SLC36A1: variants seen among roughly 807,000 people sequenced by gnomAD.
SLC36A1 encodes proton-coupled amino acid transporter 1.
SLC36A1 carries 30 observed loss-of-function variants against 47.5 expected under a neutral mutation model. The ratio of observed to expected loss-of-function variants is 0.63; its 90% CI spans 0.47 to 0.86. The LOEUF (loss-of-function observed/expected upper bound fraction) is 0.86. Among genes scored for constraint, SLC36A1 ranks in the 40% least tolerant of loss-of-function variants. The pLI is 0.00. For missense variants in SLC36A1, 517 were observed against 606.0 expected (o/e 0.85, Z 1.54); for synonymous variants, 255 against 249.7 (o/e 1.02, Z -0.20).
chr5:151,377,298 A>G, the SLC36A1 span, among the ~76,000 whole-genome samples: 7 of 149,718 alleles, frequency 4.7e-5, no homozygotes, highest in Admixed American at 3.3e-4. Context: ...GTCTAATGCT[A>G]TGAGTGGGGT....
At chr5:151,480,003 G>A in intron 10 of SLC36A1, 1 of 851,034 alleles carries the variant, frequency 1.2e-6, no homozygotes, top group Non-Finnish European at 1.8e-6. Flanking sequence ...GATTAACCTA[G>A]GTATTTGATT....
the SLC36A1 span, among the ~76,000 whole-genome samples, chr5:151,500,732 T>C: frequency 6.6e-6 from 1 of 152,220 alleles, no homozygotes; most frequent in Admixed American, 6.5e-5. Context: ...GCACCTGGCA[T>C]AGCAAATGCT....
chr5:151,544,232 G>T, the SLC36A1 span: 3 of 1,614,182 alleles, frequency 1.9e-6, no homozygotes, highest in East Asian at 6.7e-5. Context: ...CCTGAGTCCT[G>T]GTCAGAAGCC....
chr5:151,476,393 C>G (rs1479415385), intron 8 of SLC36A1, among the ~76,000 whole-genome samples, 197 bp from the exon 9 acceptor site: 1 of 152,230 alleles, frequency 6.6e-6, no homozygotes, highest in African/African-American at 2.4e-5. Context: ...GACTTCCTAG[C>G]TAGGCAGTGG....
At chr5:151,555,081 C>G in the SLC36A1 span, among the ~76,000 whole-genome samples, 3 of 152,142 alleles carry the variant, frequency 2.0e-5, no homozygotes, top group East Asian at 5.8e-4. Context: ...CTTTTTGAGT[C>G]AGACATGTGC....
At position 151,468,301 on chromosome 5, in the gene SLC36A1, T is replaced by TATATATATAAA. The variant is rs1756858867; in HGVS notation, c.723+384_723+385insAAAATATATAT. Among the ~76,000 whole-genome samples the TATATATATAAA allele has an allele frequency of 2.5e-4, 23 of 93,390 alleles. No individual in the cohort carries two copies. The South Asian group carries it at 3.0e-3, about 12-fold the overall frequency. 61.3% of individuals were successfully genotyped at this position (93,390 alleles called of 152,430 possible). A position where few individuals can be genotyped will look rare whatever the true frequency, so the allele number is the denominator to read the frequency against. On this transcript the variant is annotated intron_variant, in intron 7 of 10. Transcript: ENST00000243389. ...TATATATATATATATATATTTTATA[T>TATATATATAAA]ATATATATTTACATATATGTGTATA...
chr5:151,515,430 C>A, the SLC36A1 span, among the ~76,000 whole-genome samples: 1 of 152,180 alleles, frequency 6.6e-6, no homozygotes, highest in South Asian at 2.1e-4. Context: ...ATCTCCATCT[C>A]CAGCATAGAC....
At chr5:151,421,616 T>G in the SLC36A1 span, among the ~76,000 whole-genome samples, 1 of 149,530 alleles carries the variant, frequency 6.7e-6, no homozygotes, top group Admixed American at 6.7e-5. Flanking sequence ...TTAGATAGAG[T>G]CTCACTCTGT....
the SLC36A1 span, chr5:151,550,926 T>G: frequency 6.5e-7 from 1 of 1,549,934 alleles, no homozygotes; most frequent in Non-Finnish European, 8.8e-7. Flanking sequence ...GAACAGGGAC[T>G]GGGTCTGTCT....
the SLC36A1 span, chr5:151,382,116 A>C: frequency 2.4e-6 from 2 of 842,290 alleles, no homozygotes; most frequent in Non-Finnish European, 4.1e-6. Context: ...CATGGTGCTG[A>C]CAGAGCACGA....
the SLC36A1 span, among the ~76,000 whole-genome samples, chr5:151,413,941 T>C: frequency 6.6e-6 from 1 of 152,120 alleles, no homozygotes; most frequent in African/African-American, 2.4e-5. Context: ...ACACAGTGCT[T>C]TGTGGCCTGC....
the SLC36A1 span, chr5:151,505,784 G>T: frequency 6.2e-7 from 1 of 1,614,060 alleles, no homozygotes; most frequent in Non-Finnish European, 8.5e-7. Flanking sequence ...ACTGCGAGTG[G>T]TAGTAGCTGA....
At chr5:151,397,764 C>CAAAAAAAAAA in the SLC36A1 span, among the ~76,000 whole-genome samples, 1 of 44,338 alleles carries the variant, frequency 2.3e-5, no homozygotes, top group Non-Finnish European at 4.1e-5. Context: ...AACTCCAACT[C>CAAAAAAAAAA]AAAAAAAAAA....
In SLC36A1 at chr5:151,463,622, G is replaced by A. The variant is rs555025184; in HGVS notation, c.213G>A (p.Ala71=). 1.0e-4 allele frequency: 163 copies of A among 1,614,124 alleles called. 2 individuals carry two copies. In the South Asian group the frequency reaches 1.3e-3, roughly 13 times the overall value. The change falls in exon 3 of 11, where the codon GCG becomes GCA. Residue 71 remains alanine, a synonymous_variant. Transcript: ENST00000243389. The stretch of plus-strand genomic sequence containing the variant: ...CAGGACTCCTGGGACTCCCTCTGGC[G>A]GTGAAAAATGCAGGCATCGTGGTAA... ...IGTGLLGLPL[A]VKNAGIVMGP...
the SLC36A1 span, chr5:151,549,352 G>C: frequency 1.2e-6 from 2 of 1,613,900 alleles, no homozygotes; most frequent in Admixed American, 1.7e-5. Flanking sequence ...TCCATGGCTC[G>C]GACCTGCAGC....
At chr5:151,475,520 G>A (rs547522020) in intron 8 of SLC36A1, among the ~76,000 whole-genome samples, 15 of 152,312 alleles carry the variant, frequency 9.8e-5, no homozygotes, top group South Asian at 4.1e-4. Context: ...TGTATTCACC[G>A]TGTGCTCTGT....
At chr5:151,349,772 C>T in the SLC36A1 span, among the ~76,000 whole-genome samples, 1 of 152,240 alleles carries the variant, frequency 6.6e-6, no homozygotes, top group Non-Finnish European at 1.5e-5. Context: ...CCTTTCATGG[C>T]TTATGGCACT....
At chr5:151,438,349 C>T (rs941041774) in intron 1 of SLC36A1, among the ~76,000 whole-genome samples, 2 of 152,016 alleles carry the variant, frequency 1.3e-5, no homozygotes, top group African/African-American at 4.8e-5. Context: ...AAGGAAATAA[C>T]ACTTTATATG....
chr5:151,538,144 G>A, the SLC36A1 span, among the ~76,000 whole-genome samples: 9 of 152,046 alleles, frequency 5.9e-5, no homozygotes, highest in Non-Finnish European at 1.2e-4. Context: ...AACAGAGGAG[G>A]TAGAATAAGA....
Sources: gnomAD v4.1 joint callset for allele counts (sites outside exome capture counted in the v4.1 genomes callset) on GRCh38, gnomAD v4.1.1 for gene constraint, MANE v1.5 for transcripts, NCBI Gene and HGNC (gene_info 2026-07-23, HGNC 2026-07-21) for gene names.